The following CASZ1 variants were observed in gnomAD, a reference collection of about 807,000 sequenced individuals.
CASZ1 encodes the protein castor zinc finger 1.
Under a neutral mutation model 135.2 loss-of-function variants are expected in CASZ1, and 28 were observed. The observed-to-expected ratio is 0.21, with a 90% CI of 0.15 to 0.28. CASZ1 has a LOEUF of 0.28. Ranked by LOEUF, CASZ1 falls within the 10% of genes least tolerant of loss-of-function variation. The pLI is 1.00. For missense variants in CASZ1, 2,161 were observed against 2,453.3 expected (o/e 0.88, Z 2.52); for synonymous variants, 1,068 against 1,073.4 (o/e 0.99, Z 0.10).
chr1:10,754,870 G>GA (rs1045185061), intron 2 of CASZ1, among the ~76,000 whole-genome samples: 7 of 152,092 alleles, frequency 4.6e-5, no homozygotes, highest in Admixed American at 6.5e-5. Flanking sequence ...ATTACTAAGG[G>GA]AAAAAAAAGT....
At chr1:10,768,415 A>C (rs1640517438) in intron 1 of CASZ1, among the ~76,000 whole-genome samples, 1 of 152,012 alleles carries the variant, frequency 6.6e-6, no homozygotes, top group Non-Finnish European at 1.5e-5. Context: ...ATGGGGTTTC[A>C]CCATGTTGGC....
intron 1 of CASZ1, among the ~76,000 whole-genome samples, chr1:10,787,938 G>A (rs1411186318): frequency 6.6e-6 from 1 of 151,980 alleles, no homozygotes; most frequent in Non-Finnish European, 1.5e-5. Flanking sequence ...CACAGAGTTT[G>A]AAAAAATGTT....
At chr1:10,669,642 C>T (rs1643344190) in intron 4 of CASZ1, among the ~76,000 whole-genome samples, 1 of 152,202 alleles carries the variant, frequency 6.6e-6, no homozygotes, top group African/African-American at 2.4e-5. Context: ...CTGGAGGTAG[C>T]CTGCTCACCT....
At chr1:10,648,491 A>G (rs901524493) in intron 15 of CASZ1, 16 of 258,986 alleles carry the variant, frequency 6.2e-5, no homozygotes, top group Non-Finnish European at 1.0e-4. Context: ...CAGTATTCAC[A>G]GCAGGCTTCC....
Position 10,784,388 on chromosome 1 carries a change from G to A in CASZ1, c.-234+12176C>T, listed in dbSNP as rs564525498. On this transcript the variant is annotated intron_variant, in intron 1 of 20. Transcript: ENST00000377022. ...TGACCCACCTGAGCTGCCCAGCACA[G>A]GACCTCCAGCCGTACGTGGCTGTGG... Among the ~76,000 whole-genome samples the A allele has an allele frequency of 5.9e-5, 9 of 152,288 alleles. 1 individual carries two copies. Among genetic ancestry groups the A allele is most frequent in the Admixed American group, 5.9e-4 (9 of 15,296 alleles).
intron 20 of CASZ1, 129 bp from the exon 21 acceptor site, chr1:10,640,188 C>G: frequency 7.1e-7 from 1 of 1,411,558 alleles, no homozygotes; most frequent in South Asian, 1.4e-5. Context: ...CCTCGGCTTC[C>G]CCTGGCTTGG....
intron 3 of CASZ1, among the ~76,000 whole-genome samples, chr1:10,702,154 C>T (rs1292045886): frequency 6.6e-6 from 1 of 152,230 alleles, no homozygotes; most frequent in East Asian, 1.9e-4. Context: ...ATGTCCGCTT[C>T]CTTGCCTGCT....
At position 10,694,680 on chromosome 1, in the gene CASZ1, T is replaced by TCGCGCCCCCCCGCCG. The variant is rs1553132951; in HGVS notation, c.-23-769_-23-768insCGGCGGGGGGGCGCG. On this transcript the variant is annotated intron_variant, in intron 3 of 20. Transcript: ENST00000377022. The surrounding 1 kb of genome is among the most constrained non-coding windows in gnomAD (Gnocchi z 6.6). ...CCGGAGTGAATGGGCTCGCGCTCGC[T>TCGCGCCCCCCCGCCG]CGCGCCCCCGCCGCGCGCCCCCGCC... is the stretch of plus-strand genomic sequence containing the variant. Among the ~76,000 whole-genome samples, 1 of 138,398 alleles carries TCGCGCCCCCCCGCCG rather than the reference T, an allele frequency of 7.2e-6. No homozygotes were observed. Among genetic ancestry groups the TCGCGCCCCCCCGCCG allele is most frequent in the Non-Finnish European group, 1.6e-5 (1 of 62,526 alleles). 90.8% of individuals were successfully genotyped at this position (138,398 alleles called of 152,430 possible).
chr1:10,674,289 G>C (rs993288591), intron 4 of CASZ1, among the ~76,000 whole-genome samples: 3 of 152,272 alleles, frequency 2.0e-5, no homozygotes, highest in Admixed American at 6.5e-5. Context: ...GTCTCAGGGT[G>C]ACCCTGCCTC....
At position 10,639,377 on chromosome 1, in the gene CASZ1, A is replaced by G; in HGVS notation, c.4845T>C (p.Ser1615=). The part of the protein sequence containing the change: ...AEGPAPGPPI[S]LDGSLSLGAE... ...CGCCCAGCGACAGGGAGCCGTCCAGACTGATGGGAGGCCCGGGCGCGGGGC... is the reference window on the plus strand; with the variant it reads ...CGCCCAGCGACAGGGAGCCGTCCAGGCTGATGGGAGGCCCGGGCGCGGGGC... The change falls in exon 21 of 21, where the codon AGT becomes AGC. Residue 1615 remains serine (S), a synonymous_variant. Coordinates refer to ENST00000377022, the MANE Select transcript of CASZ1 (RefSeq NM_001079843.3). The surrounding 1 kb of genome is among the most constrained non-coding windows in gnomAD (Gnocchi z 4.0). 6.5e-7 allele frequency: 1 copy of G among 1,541,382 alleles called. No individual in the cohort carries two copies. The highest frequency in any genetic ancestry group is 8.7e-7 in the Non-Finnish European group (1 of 1,144,682).
At chr1:10,723,920 TCTC>T (rs1171635681) in intron 2 of CASZ1, among the ~76,000 whole-genome samples, 2 of 152,040 alleles carry the variant, frequency 1.3e-5, no homozygotes, top group Non-Finnish European at 2.9e-5. Context: ...GAGCCCACCT[TCTC>T]CTCTTCTTTG....
At chr1:10,695,210 C>T (rs1370359049) in intron 3 of CASZ1, among the ~76,000 whole-genome samples, 1 of 151,610 alleles carries the variant, frequency 6.6e-6, no homozygotes, top group Non-Finnish European at 1.5e-5. Context: ...GGCCCGCGCG[C>T]CCCCGCACCC....
chr1:10,647,293 G>A lies in CASZ1; in HGVS notation c.3497+508C>T. On this transcript the variant is annotated intron_variant, in intron 16 of 20. Transcript: ENST00000377022. The surrounding 1 kb of genome is among the most constrained non-coding windows in gnomAD (Gnocchi z 4.9). ...ACAAAGTCACCGTTCTCCCTGCAAG[G>A]AGCCACCACCATCCAGTGAGGAGGG... The A allele has an allele frequency of 1.0e-6, 1 of 1,000,266 alleles. No individual in the cohort carries two copies. Among genetic ancestry groups the A allele is most frequent in the Non-Finnish European group, 1.2e-6 (1 of 837,994 alleles). 62.0% of individuals were successfully genotyped at this position (1,000,266 alleles called of 1,614,324 possible). A position where few individuals can be genotyped will look rare whatever the true frequency, so the allele number is the denominator to read the frequency against.
At position 10,777,463 on chromosome 1, in the gene CASZ1, G is replaced by A. The variant is rs569883464; in HGVS notation, c.-233-16606C>T. On this transcript the variant is annotated intron_variant, in intron 1 of 20. Coordinates refer to ENST00000377022, the MANE Select transcript of CASZ1 (RefSeq NM_001079843.3). The surrounding 1 kb of genome is among the most constrained non-coding windows in gnomAD (Gnocchi z 4.4). ...GAAGGAAGAATTGCCATTCAGCCCC[G>A]GATCCGGCCAGAGCACAGTCTCACT... 6.6e-6 allele frequency among the ~76,000 whole-genome samples: 1 copy of A among 152,258 alleles called. No individual in the cohort carries two copies. Among genetic ancestry groups the A allele is most frequent in the African/African-American group, 2.4e-5 (1 of 41,536 alleles).
intron 2 of CASZ1, among the ~76,000 whole-genome samples, chr1:10,753,421 C>T (rs1216321950): frequency 3.9e-5 from 6 of 152,248 alleles, no homozygotes; most frequent in Admixed American, 3.9e-4. Flanking sequence ...CGGGGGTCCC[C>T]TCTCACTGCA....
At chr1:10,789,869 C>A (rs1640924229) in intron 1 of CASZ1, among the ~76,000 whole-genome samples, 1 of 152,216 alleles carries the variant, frequency 6.6e-6, no homozygotes, top group Non-Finnish European at 1.5e-5. Context: ...CGTTAACGTG[C>A]AGCTCTTAAA....
Position 10,742,458 on chromosome 1 carries a change from C to T in CASZ1, c.-77+18243G>A, listed in dbSNP as rs547264488. On this transcript the variant is annotated intron_variant, in intron 2 of 20. Coordinates refer to ENST00000377022, the MANE Select transcript of CASZ1 (RefSeq NM_001079843.3). ...GTGTAAAGTGAACAGGCAGAGATTC[C>T]AGCCAGGCCTGAGTCCATTCTCTCC... Among the ~76,000 whole-genome samples, 166 of 152,268 alleles carry T rather than the reference C, an allele frequency of 1.1e-3. 2 individuals are homozygous for T. The highest frequency in any genetic ancestry group is 3.9e-3 in the African/African-American group (161 of 41,534).
chr1:10,790,766 A>G (rs756967250), intron 1 of CASZ1, among the ~76,000 whole-genome samples: 4 of 152,186 alleles, frequency 2.6e-5, no homozygotes, highest in Non-Finnish European at 5.9e-5. Flanking sequence ...GGACACACAC[A>G]AAAACCTTGG....
intron 3 of CASZ1, among the ~76,000 whole-genome samples, chr1:10,695,594 C>CG (rs1638915991): frequency 8.2e-6 from 1 of 121,362 alleles, no homozygotes. Context: ...CCCCCCCCCC[C>CG]GCCCCACGCC....
Sources: gnomAD v4.1 joint callset for allele counts (sites outside exome capture counted in the v4.1 genomes callset) on GRCh38, gnomAD v4.1.1 for gene constraint, Gnocchi (gnomAD v3.1) non-coding constraint, MANE v1.5 for transcripts, NCBI Gene and HGNC (gene_info 2026-07-23, HGNC 2026-07-21) for gene names.